The following SCD5 variants were observed in gnomAD, a reference collection of about 807,000 sequenced individuals.
The protein encoded by SCD5 is stearoyl-CoA desaturase 5.
A neutral mutation model predicts 30.4 loss-of-function variants in SCD5; 20 were observed. That is an observed-to-expected ratio of 0.66 (90% CI 0.46 to 0.96). The LOEUF (loss-of-function observed/expected upper bound fraction) is 0.96, where lower values mean the gene tolerates loss of function less well. Ranked by LOEUF, SCD5 falls within the 40% of genes least tolerant of loss-of-function variation. SCD5 has a pLI of 0.00. For missense variants in SCD5, 381 were observed against 443.3 expected (o/e 0.86, Z 1.26); for synonymous variants, 173 against 176.4 (o/e 0.98, Z 0.16).
At chr4:82,669,266 A>G (rs1728255136) in intron 3 of SCD5, among the ~76,000 whole-genome samples, 1 of 151,764 alleles carries the variant, frequency 6.6e-6, no homozygotes. Flanking sequence ...CAAAATGGAG[A>G]AATACACTTA....
intron 1 of SCD5, among the ~76,000 whole-genome samples, chr4:82,730,624 T>C (rs6838057): frequency 0.29 from 41,058 of 139,820 alleles, 6,475 homozygotes; most frequent in Middle Eastern, 0.36. Flanking sequence ...CTCACTCTGT[T>C]GCCCAGGCTG....
chr4:82,704,627 T>C (rs1162540802), intron 2 of SCD5, among the ~76,000 whole-genome samples: 1 of 152,240 alleles, frequency 6.6e-6, no homozygotes, highest in Non-Finnish European at 1.5e-5. Context: ...AGTTTTGTTC[T>C]TATTTTTACA....
At chr4:82,794,103 G>A (rs547020996) in intron 1 of SCD5, among the ~76,000 whole-genome samples, 2 of 152,256 alleles carry the variant, frequency 1.3e-5, no homozygotes, top group South Asian at 4.2e-4. Flanking sequence ...ACCCCACACT[G>A]CCTTGTTAAT....
intron 1 of SCD5, among the ~76,000 whole-genome samples, chr4:82,723,587 A>C (rs568487702): frequency 6.6e-6 from 1 of 152,360 alleles, no homozygotes; most frequent in Admixed American, 6.5e-5. Flanking sequence ...ATAAAGCTTA[A>C]AAATTAAAAA....
At chr4:82,691,092 C>A (rs1480772006) in intron 2 of SCD5, among the ~76,000 whole-genome samples, 1 of 152,160 alleles carries the variant, frequency 6.6e-6, no homozygotes, top group African/African-American at 2.4e-5. Context: ...GTGGTGCGAT[C>A]TTGGCTCACT....
chr4:82,718,481 C>T lies in SCD5; in HGVS notation c.233-13068G>A, dbSNP rs534614569. On this transcript the variant is annotated intron_variant, in intron 1 of 4. Coordinates refer to ENST00000319540, the MANE Select transcript of SCD5 (RefSeq NM_001037582.3). ...GTGAACCCAGTGGATTCTGACCAAA[C>T]GTTCCTCTATCTGGCAGCCACAGGC... Among the ~76,000 whole-genome samples the T allele has an allele frequency of 3.3e-5, 5 of 151,776 alleles. No individual in the cohort carries two copies. In the East Asian group the frequency reaches 5.8e-4, roughly 18 times the overall value.
At chr4:82,741,853 C>A (rs111348309) in intron 1 of SCD5, among the ~76,000 whole-genome samples, 1 of 45,406 alleles carries the variant, frequency 2.2e-5, no homozygotes, top group African/African-American at 7.3e-5. Context: ...TCAGAGTGGG[C>A]GGGGGGGGGG....
chr4:82,728,513 T>C (rs774004256), intron 1 of SCD5, among the ~76,000 whole-genome samples: 4 of 152,204 alleles, frequency 2.6e-5, no homozygotes, highest in Non-Finnish European at 5.9e-5. Flanking sequence ...ATTGCTCCTA[T>C]AGATAACATC....
intron 1 of SCD5, among the ~76,000 whole-genome samples, chr4:82,784,006 T>C (rs1721935484): frequency 6.6e-6 from 1 of 152,236 alleles, no homozygotes; most frequent in East Asian, 1.9e-4. Context: ...ATAGATTCTA[T>C]ACATACACAC....
At chr4:82,656,685 C>T (rs1203678437) in intron 3 of SCD5, among the ~76,000 whole-genome samples, 1 of 152,160 alleles carries the variant, frequency 6.6e-6, no homozygotes, top group Admixed American at 6.5e-5. Context: ...CACTGTCTTC[C>T]ACAATGGTTG....
intron 1 of SCD5, among the ~76,000 whole-genome samples, chr4:82,749,681 G>A (rs1721061315): frequency 6.6e-6 from 1 of 152,166 alleles, no homozygotes; most frequent in African/African-American, 2.4e-5. Flanking sequence ...TAGACTCAGA[G>A]AAATAGTCTC....
intron 3 of SCD5, among the ~76,000 whole-genome samples, chr4:82,650,278 A>G (rs1463853287): frequency 6.6e-6 from 1 of 152,228 alleles, no homozygotes; most frequent in Non-Finnish European, 1.5e-5. Flanking sequence ...ATTTTAATAT[A>G]AAATGATAAG....
At position 82,629,798 on chromosome 4, in the gene SCD5, T is replaced by G. The variant is rs1727249740; in HGVS notation, c.*1529A>C. ...TAACACAAAGGGCACACTGTCCCAT[T>G]AATTCCACATGCACTTTACAAAGCA... is the stretch of plus-strand genomic sequence containing the variant. On this transcript the variant is annotated 3_prime_UTR_variant, in exon 5 of 5. Transcript: ENST00000319540. 6.6e-6 allele frequency: 1 copy of G among 152,240 alleles called. No individual in the cohort carries two copies. The highest frequency in any genetic ancestry group is 2.4e-5 in the African/African-American group (1 of 41,448). 9.4% of individuals were successfully genotyped at this position (152,240 alleles called of 1,614,324 possible). A position where few individuals can be genotyped will look rare whatever the true frequency, so the allele number is the denominator to read the frequency against.
chr4:82,796,173 A>G (rs1006230539), intron 1 of SCD5, among the ~76,000 whole-genome samples: 22 of 151,930 alleles, frequency 1.4e-4, no homozygotes, highest in East Asian at 9.7e-4. Context: ...GGGAGGCTGA[A>G]GCAGGAGAAT....
At chr4:82,743,934 T>G (rs970880105) in intron 1 of SCD5, among the ~76,000 whole-genome samples, 4 of 151,986 alleles carry the variant, frequency 2.6e-5, no homozygotes, top group Non-Finnish European at 4.4e-5. Context: ...CAAGCCATCT[T>G]TCCACTTCAG....
intron 1 of SCD5, among the ~76,000 whole-genome samples, chr4:82,758,768 T>C (rs1578055864): frequency 3.3e-5 from 5 of 152,024 alleles, no homozygotes; most frequent in Admixed American, 2.0e-4. Context: ...AGCTGGACAC[T>C]GTAAGATGGG....
intron 1 of SCD5, among the ~76,000 whole-genome samples, chr4:82,740,933 C>CTTT (rs34077562): frequency 1.4e-5 from 2 of 143,596 alleles, no homozygotes. Context: ...TTTCCCAATT[C>CTTT]TTTTTTTTTT....
chr4:82,786,984 C>T (rs1481730252), intron 1 of SCD5, among the ~76,000 whole-genome samples: 2 of 152,126 alleles, frequency 1.3e-5, no homozygotes, highest in African/African-American at 4.8e-5. Flanking sequence ...TAAGGTTTTC[C>T]GTCCACTCCG....
At chr4:82,773,544 C>A (rs1282996746) in intron 1 of SCD5, among the ~76,000 whole-genome samples, 1 of 152,228 alleles carries the variant, frequency 6.6e-6, no homozygotes, top group Non-Finnish European at 1.5e-5. Context: ...ACCTCGTGTT[C>A]TTCCAAGGCT....
Sources: allele counts gnomAD v4.1 joint callset (sites outside exome capture counted in the v4.1 genomes callset), GRCh38; gene constraint gnomAD v4.1.1; transcripts MANE v1.5; gene names NCBI Gene and HGNC (gene_info 2026-07-23, HGNC 2026-07-21).